EZH2: variants seen among roughly 807,000 people sequenced by gnomAD.
EZH2 encodes the protein enhancer of zeste 2 polycomb repressive complex 2 subunit, also known as histone-lysine N-methyltransferase EZH2.
EZH2 carries 18 observed loss-of-function variants against 98.4 expected under a neutral mutation model. The observed-to-expected ratio is 0.18, with a 90% confidence interval of 0.13 to 0.27. EZH2 has a LOEUF of 0.27. EZH2 is among the 10% of genes least tolerant of loss of function. The pLI, the probability that EZH2 is intolerant of heterozygous loss-of-function variation, is 1.00. For synonymous variants in EZH2, 338 were observed against 312.3 expected (o/e 1.08, Z -0.87); for missense variants, 470 against 935.1 (o/e 0.50, Z 6.49).
At chr7:148,834,370 C>T (rs1426771119) in intron 3 of EZH2, among the ~76,000 whole-genome samples, 4 of 147,108 alleles carry the variant, frequency 2.7e-5, no homozygotes, top group Admixed American at 1.3e-4. Flanking sequence ...CACACACACA[C>T]ACACACACAC....
At chr7:148,861,157 T>C (rs1213795689) in intron 1 of EZH2, among the ~76,000 whole-genome samples, 3 of 152,104 alleles carry the variant, frequency 2.0e-5, no homozygotes, top group African/African-American at 7.2e-5. Flanking sequence ...CATCTGGCTC[T>C]AGATTACTTA....
At chr7:148,865,583 A>G (rs190978495) in intron 1 of EZH2, among the ~76,000 whole-genome samples, 3 of 152,346 alleles carry the variant, frequency 2.0e-5, no homozygotes, top group Admixed American at 6.5e-5. Context: ...TGTGCTCAAC[A>G]GAAGAGCAAT....
rs1389049055 is a variant in EZH2 at position 148,850,309 on chromosome 7, C to T, written c.-7-3004G>A. 9 of 196,316 alleles carry T rather than the reference C, an allele frequency of 4.6e-5. No individual in the cohort carries two copies. In the East Asian group the frequency reaches 1.3e-3, roughly 28 times the overall value. The allele number at this position is 196,316 out of a possible 1,614,324, so 12.2% of individuals were successfully genotyped here. On this transcript the variant is annotated intron_variant, in intron 1 of 19. Coordinates refer to ENST00000320356, the MANE Select transcript of EZH2 (RefSeq NM_004456.5). ...CTGGGATTACAGGTGTGAGCCACTG[C>T]GCCTGGCTTACAATTTATTTTTTAA...
chr7:148,878,202 A>T (rs1301508604), intron 1 of EZH2, among the ~76,000 whole-genome samples: 1 of 152,162 alleles, frequency 6.6e-6, no homozygotes, highest in African/African-American at 2.4e-5. Flanking sequence ...AACCATCACT[A>T]TTATCCATCT....
intron 1 of EZH2, among the ~76,000 whole-genome samples, chr7:148,855,558 C>T (rs1182075727): frequency 6.6e-6 from 1 of 152,096 alleles, no homozygotes; most frequent in Non-Finnish European, 1.5e-5. Context: ...ATTTACGGTG[C>T]ATAGACAGTG....
At chr7:148,873,618 C>T (rs1819779521) in intron 1 of EZH2, among the ~76,000 whole-genome samples, 1 of 117,154 alleles carries the variant, frequency 8.5e-6, no homozygotes, top group African/African-American at 3.3e-5. Flanking sequence ...CTTTGATCAA[C>T]AGTCTACCAA....
intron 2 of EZH2, 39 bp downstream of exon 2, chr7:148,847,143 T>C (rs745839795): frequency 6.3e-7 from 1 of 1,582,844 alleles, no homozygotes; most frequent in Admixed American, 2.0e-5. Flanking sequence ...AAACCTATCC[T>C]TAATTGTATA....
At chr7:148,835,699 G>A (rs1810723714) in intron 3 of EZH2, among the ~76,000 whole-genome samples, 1 of 152,004 alleles carries the variant, frequency 6.6e-6, no homozygotes, top group Non-Finnish European at 1.5e-5. Context: ...AATTAATTCT[G>A]TGGCTTCTGA....
intron 1 of EZH2, among the ~76,000 whole-genome samples, chr7:148,881,172 A>G (rs1041473739): frequency 2.0e-5 from 3 of 152,274 alleles, no homozygotes; most frequent in African/African-American, 7.2e-5. Flanking sequence ...ATCATTGCTA[A>G]TTAACCACAG....
At chr7:148,828,195 G>C (rs1292886981) in intron 6 of EZH2, among the ~76,000 whole-genome samples, 7 of 152,192 alleles carry the variant, frequency 4.6e-5, no homozygotes, top group Non-Finnish European at 8.8e-5. Context: ...TGCATAAGAA[G>C]TGATTAGTAC....
At chr7:148,834,820 T>C (rs1310610027) in intron 3 of EZH2, among the ~76,000 whole-genome samples, 1 of 152,226 alleles carries the variant, frequency 6.6e-6, no homozygotes, top group Non-Finnish European at 1.5e-5. Flanking sequence ...TTAACATTTA[T>C]TGAGCACGTA....
intron 15 of EZH2, 124 bp from the exon 16 acceptor site, chr7:148,811,844 C>G (rs1803165963): frequency 2.6e-6 from 2 of 762,496 alleles, no homozygotes; most frequent in Non-Finnish European, 2.1e-6. Flanking sequence ...TGTTCTAAGG[C>G]AGTAATTGGG....
intron 19 of EZH2, 61 bp downstream of exon 19, chr7:148,809,010 A>G: frequency 7.2e-7 from 1 of 1,383,608 alleles, no homozygotes; most frequent in Non-Finnish European, 1.0e-6. Context: ...TCCTTTGTCC[A>G]GAGTTCACAA....
intron 3 of EZH2, among the ~76,000 whole-genome samples, chr7:148,840,168 T>G (rs539657130): frequency 1.3e-5 from 2 of 152,340 alleles, no homozygotes; most frequent in South Asian, 4.1e-4. Flanking sequence ...GCATATCATC[T>G]TGATCTAATA....
intron 1 of EZH2, among the ~76,000 whole-genome samples, chr7:148,868,026 A>G (rs572057191): frequency 3.3e-5 from 5 of 152,288 alleles, no homozygotes; most frequent in African/African-American, 1.2e-4. Flanking sequence ...CTCTGTCCAT[A>G]TCACTATCAG....
intron 13 of EZH2, 124 bp from the exon 14 acceptor site, chr7:148,815,163 G>A: frequency 1.6e-6 from 2 of 1,217,526 alleles, no homozygotes; most frequent in East Asian, 2.5e-5. Flanking sequence ...TTTACTGAAT[G>A]CATAACATTA....
intron 1 of EZH2, chr7:148,883,346 C>T (rs1426555541): frequency 6.6e-6 from 1 of 152,286 alleles, no homozygotes; most frequent in East Asian, 1.9e-4. Flanking sequence ...GAAACACAAT[C>T]AATAGAGAGC....
At chr7:148,810,691 G>A (rs961727266) in intron 16 of EZH2, among the ~76,000 whole-genome samples, 7 of 152,070 alleles carry the variant, frequency 4.6e-5, no homozygotes, top group Admixed American at 2.0e-4. Context: ...TAAAAAAGCC[G>A]GCTGCAGTGG....
chr7:148,818,836 A>G (rs184998872), intron 9 of EZH2: 2 of 334,824 alleles, frequency 6.0e-6, no homozygotes, highest in Non-Finnish European at 1.2e-5. Flanking sequence ...GAGCCAAACA[A>G]AATTCTGCCT....
Sources: allele counts gnomAD v4.1 joint callset (sites outside exome capture counted in the v4.1 genomes callset), GRCh38; gene constraint gnomAD v4.1.1; transcripts MANE v1.5; gene names NCBI Gene and HGNC (gene_info 2026-07-23, HGNC 2026-07-21).